ARIH2: variants seen among roughly 807,000 people sequenced by gnomAD.
ARIH2 encodes E3 ubiquitin-protein ligase ARIH2.
In ARIH2, 12 loss-of-function variants were observed where a neutral mutation model predicts 79.8. The observed-to-expected ratio is 0.15, with a 90% CI of 0.10 to 0.24. The LOEUF (loss-of-function observed/expected upper bound fraction) is 0.24. Ranked by LOEUF, ARIH2 falls within the 10% of genes least tolerant of loss-of-function variation. The pLI is 1.00. For missense variants in ARIH2, 301 were observed against 618.3 expected (o/e 0.49, Z 5.44); for synonymous variants, 224 against 213.9 (o/e 1.05, Z -0.41).
chr3:48,935,337 A>G (rs1175509344), intron 3 of ARIH2, among the ~76,000 whole-genome samples: 1 of 152,248 alleles, frequency 6.6e-6, no homozygotes, highest in African/African-American at 2.4e-5. Context: ...GTATATTTCA[A>G]ACATTTCCCC....
chr3:48,961,931 C>T (rs1167095379), intron 4 of ARIH2, among the ~76,000 whole-genome samples: 1 of 152,122 alleles, frequency 6.6e-6, no homozygotes, highest in Admixed American at 6.6e-5. Context: ...TTTTCCAAAC[C>T]TCTGTTGTTG....
intron 3 of ARIH2, among the ~76,000 whole-genome samples, chr3:48,946,153 C>G (rs2089109750): frequency 1.3e-5 from 2 of 152,100 alleles, no homozygotes; most frequent in Non-Finnish European, 2.9e-5. Context: ...CATTACATCT[C>G]TGTGAGAAAA....
At chr3:48,980,104 G>T in intron 12 of ARIH2, 1 of 364,698 alleles carries the variant, frequency 2.7e-6, no homozygotes, top group Non-Finnish European at 4.9e-6. Context: ...CAGGGGCCTA[G>T]CTTTGCAGAG....
At chr3:48,966,493 TTCCCCTAGTTGGTGTCTCCACA>T (rs576126570) in intron 5 of ARIH2, among the ~76,000 whole-genome samples, 1,650 of 152,308 alleles carry the variant, frequency 0.011, 12 homozygotes, top group Middle Eastern at 0.02. Flanking sequence ...GAAGAGTTTC[TTCCCCTAGTTGGTGTCTCCACA>T]TCCCCCCCGC....
Position 48,945,224 on chromosome 3 carries a change from G to T in ARIH2, c.256-16388G>T, listed in dbSNP as rs777174778. ...TGGTGACAGTTTTGGTGGGCTGCTG[G>T]ATTTCTTTTTTCTGGGGGAAAAGTC... On this transcript the variant is annotated intron_variant, in intron 3 of 15. Transcript: ENST00000356401. The T allele has an allele frequency of 1.2e-5, 15 of 1,287,036 alleles. No individual in the cohort carries two copies. The South Asian group carries it at 1.4e-4, about 12-fold the overall frequency. The allele number at this position is 1,287,036 out of a possible 1,614,324, so 79.7% of individuals were successfully genotyped here. A position where few individuals can be genotyped will look rare whatever the true frequency, so the allele number is the denominator to read the frequency against.
intron 3 of ARIH2, among the ~76,000 whole-genome samples, chr3:48,933,443 G>A (rs1045893832): frequency 5.3e-5 from 8 of 151,914 alleles, no homozygotes; most frequent in African/African-American, 1.7e-4. Context: ...GGTTACAGGC[G>A]TGAGCCACCA....
Position 48,979,717 on chromosome 3 carries a change from C to T in ARIH2, c.1113+84C>T. 8 of 1,468,550 alleles carry T rather than the reference C, an allele frequency of 5.4e-6. No homozygotes were observed. In the South Asian group the frequency reaches 1.0e-4, roughly 18 times the overall value. The allele number at this position is 1,468,550 out of a possible 1,614,324, so 91.0% of individuals were successfully genotyped here. ...GGTGGGATTCCCAGGGACTGGTAGACAGAGCTAGCCTGTGCACATAGAAGT... is the reference window on the plus strand; with the variant it reads ...GGTGGGATTCCCAGGGACTGGTAGATAGAGCTAGCCTGTGCACATAGAAGT... On this transcript the variant is annotated intron_variant, in intron 12 of 15. Transcript: ENST00000356401.
At position 48,926,226 on chromosome 3, in the gene ARIH2, G is replaced by T. The variant is rs531339269; in HGVS notation, c.-97-1236G>T. Among the ~76,000 whole-genome samples the T allele has an allele frequency of 4.0e-5, 6 of 151,506 alleles. No individual in the cohort carries two copies. The East Asian group carries it at 1.2e-3, about 29-fold the overall frequency. The stretch of plus-strand genomic sequence containing the variant: ...CGCTGTTTGCGGGCTTTTCTTTTTT[G>T]AGATGGAGTTTCCCTCGTGTGTGTG... On this transcript the variant is annotated intron_variant, in intron 2 of 15. Transcript: ENST00000356401.
intron 5 of ARIH2, 62 bp downstream of exon 5, chr3:48,965,044 C>A: frequency 6.6e-7 from 1 of 1,508,980 alleles, no homozygotes; most frequent in Non-Finnish European, 9.2e-7. Context: ...CTTTGGCTTG[C>A]AGTGTCCTTA....
At chr3:48,968,720 A>G in intron 7 of ARIH2, 65 bp downstream of exon 7, 1 of 1,566,526 alleles carries the variant, frequency 6.4e-7, no homozygotes, top group Non-Finnish European at 8.7e-7. Flanking sequence ...GGGTCACCAC[A>G]GTTACTTACT....
At chr3:48,937,882 C>T (rs2087396620) in intron 3 of ARIH2, among the ~76,000 whole-genome samples, 1 of 152,008 alleles carries the variant, frequency 6.6e-6, no homozygotes. Flanking sequence ...GCCGTCTCTA[C>T]TAAAAATACA....
rs554254556 is a variant in ARIH2 at position 48,967,176 on chromosome 3, C to G, written c.439C>G (p.Arg147Gly). Residue 147 changes from arginine (R) to glycine (G), a missense_variant, in exon 6 of 16, where the codon CGA becomes GGA. Physicochemically the swap from Arg to Gly is moderately radical, Grantham distance 125 (BLOSUM62 -2). This residue lies in a region of ARIH2 where 223 missense variants were observed against 349.4 expected (regional missense o/e 0.64). Coordinates refer to ENST00000356401, the MANE Select transcript of ARIH2 (RefSeq NM_006321.4). Reference sequence around the variant, plus strand: ...CTGTGCAGTGTGTATGCAGTTTGTGCGAAAGGAAAACCTACTCTCTCTGGC... The same window carrying G: ...CTGTGCAGTGTGTATGCAGTTTGTGGGAAAGGAAAACCTACTCTCTCTGGC... Reference protein sequence around the residue: ...HHCAVCMQFVRKENLLSLACQ... With the variant: ...HHCAVCMQFVGKENLLSLACQ... 75 of 1,614,138 alleles carry G rather than the reference C, an allele frequency of 4.6e-5. No homozygotes were observed. The South Asian group carries it at 5.2e-4, about 11-fold the overall frequency.
intron 3 of ARIH2, among the ~76,000 whole-genome samples, chr3:48,957,096 G>A (rs956154575): frequency 1.3e-5 from 2 of 152,212 alleles, no homozygotes; most frequent in African/African-American, 2.4e-5. Context: ...TTATAAAGTG[G>A]TAGGCATATC....
At chr3:48,931,095 A>C (rs1438653512) in intron 3 of ARIH2, among the ~76,000 whole-genome samples, 1 of 152,150 alleles carries the variant, frequency 6.6e-6, no homozygotes, top group Non-Finnish European at 1.5e-5. Context: ...ATTTAAAAAA[A>C]AATTTTTTTA....
Position 48,983,199 on chromosome 3 carries a change from G to T in ARIH2, c.1411G>T (p.Asp471Tyr). Residue 471 changes from aspartate (D) to tyrosine (Y), a missense_variant and splice_region_variant, in exon 16 of 16, where the codon GAC becomes TAC. This residue lies in a region of ARIH2 where 78 missense variants were observed against 268.9 expected (regional missense o/e 0.29). Coordinates refer to ENST00000356401, the MANE Select transcript of ARIH2 (RefSeq NM_006321.4). The part of the protein sequence containing the change: ...VERADSYDRG[D>Y]LENQMHIAEQ... The stretch of plus-strand genomic sequence containing the variant: ...CACACACCTTGTTTCTCTGATGCAG[G>T]ACTTGGAGAACCAGATGCATATAGC... The T allele has an allele frequency of 6.2e-7, 1 of 1,614,256 alleles. No homozygotes were observed. Among genetic ancestry groups the T allele is most frequent in the South Asian group, 1.1e-5 (1 of 91,086 alleles).
intron 3 of ARIH2, among the ~76,000 whole-genome samples, chr3:48,936,647 C>T (rs371173835): frequency 1.3e-4 from 20 of 151,402 alleles, no homozygotes; most frequent in Non-Finnish European, 1.6e-4. Flanking sequence ...GCACGAGAAT[C>T]GCTTGAACCT....
chr3:48,940,162 C>A (rs186871264), intron 3 of ARIH2, among the ~76,000 whole-genome samples: 2 of 150,714 alleles, frequency 1.3e-5, no homozygotes, highest in East Asian at 4.0e-4. Flanking sequence ...GCCAAGATCG[C>A]GCCACTGCAC....
At chr3:48,945,316 A>G (rs1374768376) in intron 3 of ARIH2, 1 of 694,570 alleles carries the variant, frequency 1.4e-6, no homozygotes, top group African/African-American at 1.9e-5. Context: ...AGAGGAGACT[A>G]AAAAGATAAA....
At chr3:48,932,729 T>C (rs2086537632) in intron 3 of ARIH2, among the ~76,000 whole-genome samples, 1 of 152,086 alleles carries the variant, frequency 6.6e-6, no homozygotes, top group Non-Finnish European at 1.5e-5. Context: ...TAGCATCATG[T>C]TAGGGGTGTG....
Sources: allele counts gnomAD v4.1 joint callset (sites outside exome capture counted in the v4.1 genomes callset), GRCh38; gene constraint gnomAD v4.1.1; regional missense constraint gnomAD v4.1.1; transcripts MANE v1.5; gene names NCBI Gene and HGNC (gene_info 2026-07-23, HGNC 2026-07-21).